SRD5A2: variants seen among roughly 807,000 people sequenced by gnomAD.
The protein encoded by SRD5A2 is steroid 5 alpha-reductase 2, also known as 3-oxo-5-alpha-steroid 4-dehydrogenase 2.
SRD5A2 carries 30 observed loss-of-function variants against 27.4 expected under a neutral mutation model. That is an observed-to-expected ratio of 1.10 (90% CI 0.82 to 1.49). The LOEUF (loss-of-function observed/expected upper bound fraction) is 1.49, where lower values mean the gene tolerates loss of function less well. Among genes scored for constraint, SRD5A2 ranks in the 40% most tolerant of loss-of-function variants. The pLI, the probability that SRD5A2 is intolerant of heterozygous loss-of-function variation, is 0.00. For synonymous variants in SRD5A2, 141 were observed against 133.6 expected (o/e 1.06, Z -0.38); for missense variants, 348 against 323.4 (o/e 1.08, Z -0.58).
chr2:31,638,140 TATTTC>T, the SRD5A2 span, among the ~76,000 whole-genome samples: 2 of 152,146 alleles, frequency 1.3e-5, no homozygotes, highest in African/African-American at 2.4e-5. Flanking sequence ...CATTTTTATT[TATTTC>T]AAGAAATTTT....
chr2:31,661,661 T>G, the SRD5A2 span, among the ~76,000 whole-genome samples: 1 of 152,212 alleles, frequency 6.6e-6, no homozygotes, highest in Non-Finnish European at 1.5e-5. Flanking sequence ...GTTTTCCGTA[T>G]ATTTACCCTG....
chr2:31,587,509 C>A, the SRD5A2 span, among the ~76,000 whole-genome samples: 2 of 152,066 alleles, frequency 1.3e-5, no homozygotes, highest in African/African-American at 4.8e-5. Context: ...GAATGCCCAT[C>A]AATGGTAGAC....
At chr2:31,646,527 C>T in the SRD5A2 span, among the ~76,000 whole-genome samples, 2 of 152,102 alleles carry the variant, frequency 1.3e-5, no homozygotes, top group Admixed American at 6.5e-5. Context: ...GAGGCAAACA[C>T]CCCTTTGGCC....
At chr2:31,535,195 T>C (rs28383040) in intron 1 of SRD5A2, among the ~76,000 whole-genome samples, 7 of 152,142 alleles carry the variant, frequency 4.6e-5, no homozygotes, top group Admixed American at 4.6e-4. Context: ...CTAATTTTTG[T>C]ATTTTTAGTA....
chr2:31,639,042 T>C, the SRD5A2 span, among the ~76,000 whole-genome samples: 1 of 152,112 alleles, frequency 6.6e-6, no homozygotes, highest in African/African-American at 2.4e-5. Context: ...GAATATCTTT[T>C]AGTTTGTTCC....
chr2:31,638,722 C>A, the SRD5A2 span, among the ~76,000 whole-genome samples: 1 of 151,462 alleles, frequency 6.6e-6, no homozygotes, highest in East Asian at 1.9e-4. Context: ...TCTATTTCAT[C>A]TACATATAGC....
chr2:31,532,162 G>A (rs1448836668), intron 2 of SRD5A2, among the ~76,000 whole-genome samples: 1 of 152,126 alleles, frequency 6.6e-6, no homozygotes, highest in African/African-American at 2.4e-5. Flanking sequence ...GTTATTAATG[G>A]TGTCAGTAAG....
the SRD5A2 span, among the ~76,000 whole-genome samples, chr2:31,602,844 G>A: frequency 6.6e-6 from 1 of 151,972 alleles, no homozygotes; most frequent in Non-Finnish European, 1.5e-5. Context: ...AAATGGTGCT[G>A]GAAGAACTGG....
intron 1 of SRD5A2, chr2:31,563,259 C>CCAA (rs1666663112): frequency 6.6e-6 from 1 of 151,950 alleles, no homozygotes; most frequent in Admixed American, 6.6e-5. Context: ...GTCACTAAAA[C>CCAA]CAACAAATCA....
the SRD5A2 span, among the ~76,000 whole-genome samples, chr2:31,629,912 G>C: frequency 4.3e-4 from 66 of 152,276 alleles, no homozygotes; most frequent in African/African-American, 1.5e-3. Context: ...ATTAGAGCAA[G>C]TTGTATTTCC....
chr2:31,628,344 AC>A, the SRD5A2 span, among the ~76,000 whole-genome samples: 1 of 151,890 alleles, frequency 6.6e-6, no homozygotes, highest in Non-Finnish European at 1.5e-5. Context: ...TCATCCCTCT[AC>A]TTTGAGCCTA....
the SRD5A2 span, among the ~76,000 whole-genome samples, chr2:31,617,121 C>T: frequency 1.2e-4 from 19 of 152,204 alleles, no homozygotes; most frequent in African/African-American, 3.9e-4. Context: ...TCCCCAGCCA[C>T]GAGGAACTGT....
the SRD5A2 span, among the ~76,000 whole-genome samples, chr2:31,610,447 T>C: frequency 2.0e-5 from 3 of 152,216 alleles, no homozygotes; most frequent in Non-Finnish European, 2.9e-5. Context: ...CAACTGTTTA[T>C]ATTTTAAAAA....
chr2:31,534,682 G>A (rs1272771157), intron 1 of SRD5A2, among the ~76,000 whole-genome samples: 1 of 152,124 alleles, frequency 6.6e-6, no homozygotes, highest in Non-Finnish European at 1.5e-5. Context: ...CATCTCCAGA[G>A]CATTCATCTG....
At chr2:31,646,953 C>T in the SRD5A2 span, among the ~76,000 whole-genome samples, 1 of 152,046 alleles carries the variant, frequency 6.6e-6, no homozygotes, top group Non-Finnish European at 1.5e-5. Context: ...TCGAGACTAG[C>T]CTGGCCAATG....
chr2:31,573,428 T>G (rs1178729067), intron 1 of SRD5A2, among the ~76,000 whole-genome samples: 1 of 152,184 alleles, frequency 6.6e-6, no homozygotes, highest in African/African-American at 2.4e-5. Context: ...CAGAAACTTT[T>G]AAAACAACTT....
chr2:31,659,134 C>T, the SRD5A2 span, among the ~76,000 whole-genome samples: 1 of 152,086 alleles, frequency 6.6e-6, no homozygotes, highest in Non-Finnish European at 1.5e-5. Flanking sequence ...TTCAACATCA[C>T]TTCATGTTGA....
At chr2:31,612,325 A>G in the SRD5A2 span, among the ~76,000 whole-genome samples, 1 of 151,856 alleles carries the variant, frequency 6.6e-6, no homozygotes, top group Non-Finnish European at 1.5e-5. Flanking sequence ...AGAATAAACT[A>G]TTGAGTCATG....
At chr2:31,611,444 T>C in the SRD5A2 span, among the ~76,000 whole-genome samples, 1 of 152,134 alleles carries the variant, frequency 6.6e-6, no homozygotes, top group Non-Finnish European at 1.5e-5. Context: ...ACAATACAAA[T>C]ATCTTACAAA....
Sources: gnomAD v4.1 joint callset for allele counts (sites outside exome capture counted in the v4.1 genomes callset) on GRCh38, gnomAD v4.1.1 for gene constraint, MANE v1.5 for transcripts, NCBI Gene and HGNC (gene_info 2026-07-23, HGNC 2026-07-21) for gene names.